The following PCDH15 variants were observed in gnomAD, a reference collection of about 807,000 sequenced individuals.
PCDH15 encodes the protein protocadherin-15.
A neutral mutation model predicts 178.5 loss-of-function variants in PCDH15; 129 were observed. That is an observed-to-expected ratio of 0.72 (90% CI 0.63 to 0.84). The LOEUF (loss-of-function observed/expected upper bound fraction) is 0.84, where lower values mean the gene tolerates loss of function less well. Ranked by LOEUF, PCDH15 falls within the 40% of genes least tolerant of loss-of-function variation. PCDH15 has a pLI of 0.00. For synonymous variants in PCDH15, 800 were observed against 732.0 expected (o/e 1.09, Z -1.50); for missense variants, 2,230 against 2,099.9 (o/e 1.06, Z -1.21).
chr10:53,919,509 T>C (rs1484965722), intron 25 of PCDH15, among the ~76,000 whole-genome samples: 1 of 152,230 alleles, frequency 6.6e-6, no homozygotes, highest in Non-Finnish European at 1.5e-5. Context: ...AATTTACTCC[T>C]GTAATAACAT....
chr10:55,574,184 A>G (rs1203821692), intron 2 of PCDH15, among the ~76,000 whole-genome samples: 2 of 152,010 alleles, frequency 1.3e-5, no homozygotes, highest in Admixed American at 6.6e-5. Flanking sequence ...AGTTTTAGCA[A>G]GTTATAACTG....
chr10:54,328,680 T>C (rs1188143851), intron 7 of PCDH15, among the ~76,000 whole-genome samples: 1 of 151,998 alleles, frequency 6.6e-6, no homozygotes, highest in African/African-American at 2.4e-5. Flanking sequence ...CTAGTTTTGC[T>C]ACCCTTTCTG....
intron 1 of PCDH15, among the ~76,000 whole-genome samples, chr10:55,179,233 G>A (rs1027453301): frequency 2.6e-5 from 4 of 151,988 alleles, no homozygotes; most frequent in African/African-American, 9.7e-5. Context: ...TCCCCCCGTC[G>A]GCAGGAAGCA....
chr10:54,179,425 G>C (rs1395167146), intron 13 of PCDH15, among the ~76,000 whole-genome samples: 3 of 133,824 alleles, frequency 2.2e-5, no homozygotes, highest in Non-Finnish European at 4.8e-5. Context: ...GTTGTGGGGT[G>C]GGGGGAGGGG....
intron 2 of PCDH15, among the ~76,000 whole-genome samples, chr10:55,157,810 T>TG (rs1339395416): frequency 3.9e-5 from 5 of 128,930 alleles, no homozygotes; most frequent in Non-Finnish European, 8.5e-5. Flanking sequence ...TGCTGTGGGG[T>TG]GGGGGAAGGG....
intron 2 of PCDH15, among the ~76,000 whole-genome samples, chr10:55,598,539 TA>T (rs2132140193): frequency 4.8e-5 from 2 of 41,514 alleles, no homozygotes; most frequent in Non-Finnish European, 8.3e-5. Context: ...TATATATATA[TA>T]TATATATATA....
intron 8 of PCDH15, among the ~76,000 whole-genome samples, chr10:54,256,824 G>A (rs2056929410): frequency 1.3e-5 from 2 of 151,962 alleles, no homozygotes; most frequent in Non-Finnish European, 2.9e-5. Context: ...AAGCTTCACT[G>A]ACCACTCTAG....
At chr10:55,092,002 T>C (rs1344378487) in intron 2 of PCDH15, among the ~76,000 whole-genome samples, 1 of 151,884 alleles carries the variant, frequency 6.6e-6, no homozygotes, top group Non-Finnish European at 1.5e-5. Flanking sequence ...GAAAATAACT[T>C]TATGGCATTC....
chr10:54,860,781 T>G (rs938067914), intron 3 of PCDH15, among the ~76,000 whole-genome samples: 2 of 152,158 alleles, frequency 1.3e-5, no homozygotes, highest in Non-Finnish European at 2.9e-5. Flanking sequence ...TACTGAAAAT[T>G]TGAAGTGGAT....
intron 2 of PCDH15, among the ~76,000 whole-genome samples, chr10:55,562,933 T>C (rs1842229498): frequency 6.6e-6 from 1 of 152,018 alleles, no homozygotes; most frequent in African/African-American, 2.4e-5. Context: ...TTCTTGAATT[T>C]AGTGAAACTT....
chr10:54,835,820 A>T (rs1183645992), intron 3 of PCDH15, among the ~76,000 whole-genome samples: 1 of 152,192 alleles, frequency 6.6e-6, no homozygotes, highest in East Asian at 1.9e-4. Flanking sequence ...TAGATTATAG[A>T]TTCTTTCTCT....
At chr10:54,252,982 A>G (rs1443092755) in intron 8 of PCDH15, among the ~76,000 whole-genome samples, 1 of 152,018 alleles carries the variant, frequency 6.6e-6, no homozygotes, top group East Asian at 1.9e-4. Flanking sequence ...CTCGATTGCC[A>G]CTTATTGAAT....
intron 5 of PCDH15, among the ~76,000 whole-genome samples, chr10:54,357,772 G>C (rs1365870847): frequency 6.6e-6 from 1 of 152,076 alleles, no homozygotes. Flanking sequence ...TATACTACAA[G>C]GCTACAGTAA....
At chr10:54,410,408 C>T (rs1482752974) in intron 3 of PCDH15, among the ~76,000 whole-genome samples, 1 of 152,006 alleles carries the variant, frequency 6.6e-6, no homozygotes, top group Non-Finnish European at 1.5e-5. Flanking sequence ...TAATTTATTT[C>T]TTTTAGACTT....
chr10:54,091,253 T>C (rs749133569), intron 15 of PCDH15, among the ~76,000 whole-genome samples: 1 of 152,182 alleles, frequency 6.6e-6, no homozygotes, highest in African/African-American at 2.4e-5. Context: ...GGGGGATATA[T>C]CTGATAAAGG....
chr10:54,794,681 G>T (rs1204787225), intron 1 of PCDH15, among the ~76,000 whole-genome samples: 1 of 151,752 alleles, frequency 6.6e-6, no homozygotes. Flanking sequence ...CCTGGTAGAG[G>T]TTAAATGGAT....
At chr10:54,322,987 A>G (rs1283967656) in intron 7 of PCDH15, among the ~76,000 whole-genome samples, 3 of 152,162 alleles carry the variant, frequency 2.0e-5, no homozygotes, top group African/African-American at 7.2e-5. Flanking sequence ...AATATTCAGA[A>G]TCTATAAGGA....
intron 2 of PCDH15, among the ~76,000 whole-genome samples, chr10:55,546,560 G>A (rs1022086679): frequency 6.6e-6 from 1 of 152,084 alleles, no homozygotes; most frequent in African/African-American, 2.4e-5. Context: ...ATGTTATAAA[G>A]CTAGAGGTTT....
intron 30 of PCDH15, 70 bp downstream of exon 30, chr10:53,831,245 T>C: frequency 1.4e-6 from 2 of 1,397,436 alleles, no homozygotes; most frequent in Non-Finnish European, 2.0e-6. Flanking sequence ...CGCAAAGCCA[T>C]GTTACCAGAG....
Sources: gnomAD v4.1 joint callset for allele counts (sites outside exome capture counted in the v4.1 genomes callset) on GRCh38, gnomAD v4.1.1 for gene constraint, MANE v1.5 for transcripts, NCBI Gene and HGNC (gene_info 2026-07-23, HGNC 2026-07-21) for gene names.